The following EPHX1 variants were observed in gnomAD, a reference collection of about 807,000 sequenced individuals.
EPHX1 encodes epoxide hydrolase 1.
Under a neutral mutation model 43.2 loss-of-function variants are expected in EPHX1, and 40 were observed. The observed-to-expected ratio is 0.93, with a 90% CI of 0.72 to 1.21. The LOEUF is 1.21. EPHX1 is among the 50% of genes most tolerant of loss of function. The pLI, the probability that EPHX1 is intolerant of heterozygous loss-of-function variation, is 0.00. For synonymous variants in EPHX1, 221 were observed against 226.7 expected, an observed-to-expected ratio of 0.98 and a Z score of 0.22; for missense variants, 550 against 570.4, an observed-to-expected ratio of 0.96 and a Z score of 0.36.
intron 6 of EPHX1, among the ~76,000 whole-genome samples, chr1:225,840,296 CCT>C (rs1465066478): frequency 2.0e-5 from 3 of 152,178 alleles, no homozygotes; most frequent in African/African-American, 7.2e-5. Context: ...ATCTCCCACC[CCT>C]GAGTCTATAT....
chr1:225,816,992 CTT>C (rs1013625771), intron 1 of EPHX1, among the ~76,000 whole-genome samples: 4 of 152,228 alleles, frequency 2.6e-5, no homozygotes, highest in African/African-American at 9.6e-5. Flanking sequence ...TCTCCTGACA[CTT>C]TTTACTGCTC....
At chr1:225,834,097 CA>C (rs377164975) in intron 3 of EPHX1, among the ~76,000 whole-genome samples, 40 of 56,926 alleles carry the variant, frequency 7.0e-4, no homozygotes, top group Admixed American at 1.8e-3. Context: ...GACTCTGTCT[CA>C]AAAAAAAAAA....
At chr1:225,839,446 C>A in intron 5 of EPHX1, 100 bp downstream of exon 5, 1 of 1,565,090 alleles carries the variant, frequency 6.4e-7, no homozygotes, top group South Asian at 1.2e-5. Context: ...CAAGGACCCC[C>A]CAGGGGAGAG....
intron 1 of EPHX1, among the ~76,000 whole-genome samples, chr1:225,818,261 C>T (rs988464207): frequency 3.9e-5 from 6 of 152,248 alleles, no homozygotes; most frequent in African/African-American, 1.4e-4. Flanking sequence ...ATTCATTCAA[C>T]AAATAATTAA....
intron 3 of EPHX1, among the ~76,000 whole-genome samples, chr1:225,836,267 G>C (rs939331655): frequency 2.6e-5 from 4 of 152,180 alleles, no homozygotes; most frequent in African/African-American, 9.6e-5. Context: ...ATTTTGTTGT[G>C]TGTAGATACC....
intron 2 of EPHX1, among the ~76,000 whole-genome samples, chr1:225,830,653 TG>T (rs1667528828): frequency 6.6e-6 from 1 of 152,096 alleles, no homozygotes; most frequent in Non-Finnish European, 1.5e-5. Flanking sequence ...TTAGTAGAGA[TG>T]GGGTTTCGCC....
Position 225,810,762 on chromosome 1 carries a change from GA to G in EPHX1, c.-6+594del, listed in dbSNP as rs1464190395. 2.1e-4 allele frequency: 23 copies of G among 107,840 alleles called. No homozygotes were observed. The South Asian group carries it at 2.4e-3, about 11-fold the overall frequency. The allele number at this position is 107,840 out of a possible 1,614,324, so 6.7% of individuals were successfully genotyped here. A position where few individuals can be genotyped will look rare whatever the true frequency, so the allele number is the denominator to read the frequency against. On this transcript the variant is annotated intron_variant, in intron 1 of 8. Coordinates refer to ENST00000272167, the MANE Select transcript of EPHX1 (RefSeq NM_001136018.4). ...TCAAAGGGGGGTTCTCTGGCGGGCA[GA>G]GTGGGGGGGGTCACAAGGTGCTCAG... is the stretch of plus-strand genomic sequence containing the variant.
chr1:225,813,701 G>A (rs972681159), intron 1 of EPHX1, among the ~76,000 whole-genome samples: 2 of 152,180 alleles, frequency 1.3e-5, no homozygotes, highest in African/African-American at 2.4e-5. Context: ...CCTGACCTAC[G>A]GCATTCCAGG....
chr1:225,813,672 A>C (rs1473004985), intron 1 of EPHX1, among the ~76,000 whole-genome samples: 2 of 152,234 alleles, frequency 1.3e-5, no homozygotes, highest in Non-Finnish European at 2.9e-5. Context: ...AGCAGAAAGC[A>C]GCCATTTGAC....
intron 1 of EPHX1, among the ~76,000 whole-genome samples, chr1:225,823,760 C>T (rs371424335): frequency 6.6e-6 from 1 of 152,242 alleles, no homozygotes; most frequent in Non-Finnish European, 1.5e-5. Flanking sequence ...TGGGTTCCTG[C>T]GTGAGCAGTC....
At chr1:225,826,230 G>A (rs79299288) in intron 1 of EPHX1, among the ~76,000 whole-genome samples, 171 of 152,118 alleles carry the variant, frequency 1.1e-3, no homozygotes, top group Middle Eastern at 6.8e-3. Context: ...TTGGAAAGCC[G>A]AGGTGGGCGG....
Position 225,845,334 on chromosome 1 carries a change from T to C in EPHX1, c.1355T>C (p.Leu452Pro). ...GACATCCGCAAGTTCCTGTCGGTGC[T>C]GGAGCGGCAATGACCCACCCCTCTC... ...AQDIRKFLSVLERQ is the reference protein window; with the variant it reads ...AQDIRKFLSVPERQ The change falls in exon 9 of 9, where the codon CTG becomes CCG. Residue 452 changes from leucine (L) to proline (P), a missense_variant. Coordinates refer to ENST00000272167, the MANE Select transcript of EPHX1 (RefSeq NM_001136018.4). 2.5e-6 allele frequency: 4 copies of C among 1,610,506 alleles called. No homozygotes were observed. Among genetic ancestry groups the C allele is most frequent in the Non-Finnish European group, 3.4e-6 (4 of 1,179,810 alleles).
chr1:225,812,274 A>G (rs1666518901), intron 1 of EPHX1, among the ~76,000 whole-genome samples: 1 of 152,166 alleles, frequency 6.6e-6, no homozygotes, highest in Non-Finnish European at 1.5e-5. Context: ...ACAGAAAATA[A>G]CTACTCAGCA....
intron 1 of EPHX1, among the ~76,000 whole-genome samples, chr1:225,826,013 ATGT>A (rs1448873827): frequency 3.9e-5 from 6 of 152,208 alleles, no homozygotes; most frequent in African/African-American, 1.4e-4. Context: ...AAGCTGATGC[ATGT>A]TTTTTCTTTT....
rs373221599 is a variant in EPHX1 at position 225,845,277 on chromosome 1, C to T, written c.1298C>T (p.Ala433Val). The T allele has an allele frequency of 1.1e-5, 17 of 1,613,404 alleles. No homozygotes were observed. Among genetic ancestry groups the T allele is most frequent in the East Asian group, 2.2e-5 (1 of 44,888 alleles). ...TACATGGTTCGTGGGGGCCACTTTG[C>T]GGCCTTTGAGGAGCCGGAGCTGCTC... is the stretch of plus-strand genomic sequence containing the variant. ...YSYMVRGGHFAAFEEPELLAQ... is the reference protein window; with the variant it reads ...YSYMVRGGHFVAFEEPELLAQ... Residue 433 changes from alanine to valine, a missense_variant, in exon 9 of 9, where the codon GCG becomes GTG. Transcript: ENST00000272167.
intron 1 of EPHX1, among the ~76,000 whole-genome samples, chr1:225,816,025 G>C (rs1210826987): frequency 1.3e-5 from 2 of 152,232 alleles, no homozygotes; most frequent in Non-Finnish European, 2.9e-5. Context: ...CGGCATGGTG[G>C]CTCATGCCTG....
At chr1:225,828,693 T>C (rs370888055) in intron 1 of EPHX1, 32 bp from the exon 2 acceptor site, 47 of 1,602,654 alleles carry the variant, frequency 2.9e-5, no homozygotes, top group Non-Finnish European at 3.9e-5. Flanking sequence ...CTGGGCGGGC[T>C]CCGTTGTTAA....
intron 7 of EPHX1, among the ~76,000 whole-genome samples, 159 bp from the exon 8 acceptor site, chr1:225,844,339 G>A (rs944025318): frequency 1.3e-5 from 2 of 152,170 alleles, no homozygotes; most frequent in Admixed American, 6.5e-5. Context: ...TGCCCTGGGC[G>A]CAGCCTGCCT....
intron 3 of EPHX1, 30 bp from the exon 4 acceptor site, chr1:225,838,624 C>T: frequency 6.3e-7 from 1 of 1,594,744 alleles, no homozygotes; most frequent in Non-Finnish European, 8.6e-7. Flanking sequence ...TTCTCTCTCC[C>T]TCCACCCTGA....
Sources: allele counts gnomAD v4.1 joint callset (sites outside exome capture counted in the v4.1 genomes callset), GRCh38; gene constraint gnomAD v4.1.1; transcripts MANE v1.5; gene names NCBI Gene and HGNC (gene_info 2026-07-23, HGNC 2026-07-21).